MGMT: variants seen among roughly 807,000 people sequenced by gnomAD.
MGMT encodes the protein O-6-methylguanine-DNA methyltransferase, also known as methylated-DNA--protein-cysteine methyltransferase.
MGMT carries 14 observed loss-of-function variants against 15.9 expected under a neutral mutation model. The ratio of observed to expected loss-of-function variants is 0.88; its 90% CI spans 0.58 to 1.37. MGMT has a LOEUF of 1.37. MGMT is among the 40% of genes most tolerant of loss of function. The pLI, the probability that MGMT is intolerant of heterozygous loss-of-function variation, is 0.00. For synonymous variants in MGMT, 130 were observed against 118.2 expected, an observed-to-expected ratio of 1.10 and a Z score of -0.65; for missense variants, 282 against 268.1, an observed-to-expected ratio of 1.05 and a Z score of -0.36.
intron 1 of MGMT, among the ~76,000 whole-genome samples, chr10:129,520,851 C>A (rs1161817337): frequency 6.6e-6 from 1 of 150,694 alleles, no homozygotes. Context: ...ATGTACAGAC[C>A]CCATATGGTG....
chr10:129,581,243 G>A (rs1846552327), intron 2 of MGMT, among the ~76,000 whole-genome samples: 2 of 152,146 alleles, frequency 1.3e-5, no homozygotes, highest in Admixed American at 1.3e-4. Context: ...CGCTGTGGCT[G>A]AGTTCTGCTT....
rs188791048 is a variant in MGMT, at chr10:129,519,052, C to A, written c.-12-17189C>A. On this transcript the variant is annotated intron_variant, in intron 1 of 4. Transcript: ENST00000651593. ...ACAGGTCACTTCAAGAATCAAAGAA[C>A]CTCGACTATGATGTCATTTTTCTGT... Among the ~76,000 whole-genome samples, 6 of 152,230 alleles carry A rather than the reference C, an allele frequency of 3.9e-5. No individual in the cohort carries two copies. The East Asian group carries it at 1.2e-3, about 30-fold the overall frequency.
At chr10:129,646,754 A>ATATATATATATATATATTTTTTTTT in intron 2 of MGMT, among the ~76,000 whole-genome samples, 13 of 86,656 alleles carry the variant, frequency 1.5e-4, no homozygotes, top group East Asian at 5.0e-4. Context: ...ATATATATAT[A>ATATATATATATATATATTTTTTTTT]TTTTCAGGGA....
chr10:129,672,319 G>T (rs775748945), intron 2 of MGMT, among the ~76,000 whole-genome samples: 1 of 152,142 alleles, frequency 6.6e-6, no homozygotes, highest in Non-Finnish European at 1.5e-5. Flanking sequence ...ATCTGACTAG[G>T]TGTGGACACC....
In MGMT at chr10:129,708,039, G is replaced by A. The variant is rs1848187798; in HGVS notation, c.270G>A (p.Gln90=). 1 of 1,612,010 alleles carries A rather than the reference G, an allele frequency of 6.2e-7. No homozygotes were observed. Among genetic ancestry groups the A allele is most frequent in the Non-Finnish European group, 8.5e-7 (1 of 1,179,092 alleles). ...CGGCTCTTCACCATCCCGTTTTCCA[G>A]CAAGGTCGGTAACTAAGCCATCTGC... is the stretch of plus-strand genomic sequence containing the variant. ...PVPALHHPVF[Q]QESFTRQVLW... is the part of the protein sequence containing the mutation. The change falls in exon 3 of 5, where the codon CAG becomes CAA. Residue 90 remains glutamine, a synonymous_variant. Coordinates refer to ENST00000651593, the MANE Select transcript of MGMT (RefSeq NM_002412.5).
At chr10:129,528,606 G>C (rs553189729) in intron 1 of MGMT, among the ~76,000 whole-genome samples, 1 of 151,544 alleles carries the variant, frequency 6.6e-6, no homozygotes, top group Admixed American at 6.6e-5. Flanking sequence ...GACCATTTGG[G>C]CTAGGGGGCC....
chr10:129,526,930 G>A (rs1426638831), intron 1 of MGMT, among the ~76,000 whole-genome samples: 2 of 152,200 alleles, frequency 1.3e-5, no homozygotes, highest in Non-Finnish European at 2.9e-5. Context: ...TTAAAAGGGA[G>A]ATGAAACGAA....
chr10:129,679,532 A>T (rs1417109263), intron 2 of MGMT, among the ~76,000 whole-genome samples: 1 of 152,200 alleles, frequency 6.6e-6, no homozygotes, highest in Admixed American at 6.5e-5. Flanking sequence ...TGTAATTAAG[A>T]ATATTAGTAC....
At chr10:129,585,140 A>C (rs957412360) in intron 2 of MGMT, among the ~76,000 whole-genome samples, 21 of 152,158 alleles carry the variant, frequency 1.4e-4, no homozygotes, top group African/African-American at 4.6e-4. Context: ...AACACTTTCC[A>C]TGTTGTCTTT....
At chr10:129,743,219 T>G (rs1848658250) in intron 3 of MGMT, among the ~76,000 whole-genome samples, 2 of 152,232 alleles carry the variant, frequency 1.3e-5, no homozygotes, top group Admixed American at 1.3e-4. Context: ...ACTTCCACTC[T>G]GGCACCTCGT....
chr10:129,732,315 C>T (rs1589964331), intron 3 of MGMT, among the ~76,000 whole-genome samples: 1 of 147,676 alleles, frequency 6.8e-6, no homozygotes, highest in Non-Finnish European at 1.5e-5. Context: ...ACCCCCCACC[C>T]CCCGACAGGC....
At chr10:129,599,842 A>G (rs962371255) in intron 2 of MGMT, among the ~76,000 whole-genome samples, 1 of 152,196 alleles carries the variant, frequency 6.6e-6, no homozygotes, top group Non-Finnish European at 1.5e-5. Context: ...CCAGGGAGAT[A>G]GAGTGACAGA....
At chr10:129,627,156 A>G (rs1043358500) in intron 2 of MGMT, among the ~76,000 whole-genome samples, 5 of 152,230 alleles carry the variant, frequency 3.3e-5, no homozygotes, top group African/African-American at 1.2e-4. Context: ...AAAGTGAGAT[A>G]TCAAAGGAAG....
chr10:129,706,420 C>T (rs1054523147), intron 2 of MGMT, among the ~76,000 whole-genome samples: 5 of 152,114 alleles, frequency 3.3e-5, no homozygotes, highest in South Asian at 2.1e-4. Context: ...TAGATCTCAG[C>T]GCACGCCCCC....
At chr10:129,657,751 A>G (rs1399906231) in intron 2 of MGMT, among the ~76,000 whole-genome samples, 2 of 146,176 alleles carry the variant, frequency 1.4e-5, no homozygotes, top group East Asian at 4.2e-4. Flanking sequence ...AAGGACCCAC[A>G]AGGACTGCGG....
intron 2 of MGMT, among the ~76,000 whole-genome samples, chr10:129,538,873 A>G (rs1040202170): frequency 6.6e-6 from 1 of 152,188 alleles, no homozygotes; most frequent in Non-Finnish European, 1.5e-5. Flanking sequence ...TGACCTTGTG[A>G]TCTGCCTGCC....
At position 129,725,133 on chromosome 10, in the gene MGMT, G is replaced by A. The variant is rs546791463; in HGVS notation, c.274+17090G>A. 3.3e-5 allele frequency among the ~76,000 whole-genome samples: 5 copies of A among 152,344 alleles called. No homozygotes were observed. The South Asian group carries it at 6.2e-4, about 19-fold the overall frequency. ...TTACTCTTCTTCTCTCCAGCCAAGCGAGTGGCCTTGGGAGGTGAGTGTGGT... is the reference window on the plus strand; with the variant it reads ...TTACTCTTCTTCTCTCCAGCCAAGCAAGTGGCCTTGGGAGGTGAGTGTGGT... On this transcript the variant is annotated intron_variant, in intron 3 of 4. Transcript: ENST00000651593.
intron 3 of MGMT, among the ~76,000 whole-genome samples, chr10:129,721,853 AT>A (rs1194358040): frequency 6.6e-6 from 1 of 151,910 alleles, no homozygotes; most frequent in Non-Finnish European, 1.5e-5. Flanking sequence ...GTAAAAGAAG[AT>A]AGGGTAAAGG....
chr10:129,749,325 ATCTTTTTTCTGTCT>A (rs1564784319), intron 3 of MGMT, among the ~76,000 whole-genome samples: 1 of 152,150 alleles, frequency 6.6e-6, no homozygotes, highest in Non-Finnish European at 1.5e-5. Flanking sequence ...GCAACCACTT[ATCTTTTTTCTGTCT>A]ATATAGTTTT....
Sources: gnomAD v4.1 joint callset for allele counts (sites outside exome capture counted in the v4.1 genomes callset) on GRCh38, gnomAD v4.1.1 for gene constraint, MANE v1.5 for transcripts, NCBI Gene and HGNC (gene_info 2026-07-23, HGNC 2026-07-21) for gene names.